The following NAALADL2 variants were observed in gnomAD, a reference collection of about 807,000 sequenced individuals.
NAALADL2 encodes the protein inactive N-acetylated-alpha-linked acidic dipeptidase-like protein 2.
In NAALADL2, 76 loss-of-function variants were observed where a neutral mutation model predicts 87.2. The ratio of observed to expected loss-of-function variants is 0.87; its 90% CI spans 0.72 to 1.05. The LOEUF is 1.05. NAALADL2 is among the 50% of genes least tolerant of loss of function. The pLI, the probability that NAALADL2 is intolerant of heterozygous loss-of-function variation, is 0.00. For missense variants in NAALADL2, 1,089 were observed against 945.8 expected, an observed-to-expected ratio of 1.15 and a Z score of -1.99; for synonymous variants, 354 against 331.0, an observed-to-expected ratio of 1.07 and a Z score of -0.75.
At chr3:175,438,847 TTATG>T (rs1719197171) in intron 5 of NAALADL2, among the ~76,000 whole-genome samples, 1 of 152,036 alleles carries the variant, frequency 6.6e-6, no homozygotes, top group Admixed American at 6.6e-5. Flanking sequence ...ATTTATGTAT[TTATG>T]TATTTATTTT....
intron 2 of NAALADL2, among the ~76,000 whole-genome samples, chr3:175,166,233 A>T (rs896528209): frequency 3.9e-5 from 6 of 152,062 alleles, no homozygotes; most frequent in African/African-American, 1.4e-4. Flanking sequence ...TTCCCAATTC[A>T]ATTGCACATA....
intron 9 of NAALADL2, among the ~76,000 whole-genome samples, chr3:175,575,289 T>G (rs1470649071): frequency 6.6e-6 from 1 of 152,096 alleles, no homozygotes; most frequent in Non-Finnish European, 1.5e-5. Context: ...TATTTATTTA[T>G]TTGTTATTTA....
intron 3 of NAALADL2, among the ~76,000 whole-genome samples, chr3:174,845,712 G>C (rs921398431): frequency 7.9e-5 from 12 of 152,176 alleles, no homozygotes; most frequent in African/African-American, 2.7e-4. Flanking sequence ...CTAGTTTTCT[G>C]GGTGAGAGTT....
intron 2 of NAALADL2, among the ~76,000 whole-genome samples, chr3:174,636,422 A>G (rs73044517): frequency 0.044 from 6,733 of 152,230 alleles, 531 homozygotes; most frequent in African/African-American, 0.15. Context: ...GTGGGAGAAA[A>G]TATCCCAAAT....
At chr3:174,617,370 C>T (rs984395459) in intron 2 of NAALADL2, among the ~76,000 whole-genome samples, 18 of 151,496 alleles carry the variant, frequency 1.2e-4, no homozygotes, top group East Asian at 9.7e-4. Flanking sequence ...TTAGTCATAG[C>T]GATCTCGTTA....
chr3:175,424,400 T>C (rs1716424416), intron 5 of NAALADL2, among the ~76,000 whole-genome samples: 1 of 152,168 alleles, frequency 6.6e-6, no homozygotes, highest in Non-Finnish European at 1.5e-5. Flanking sequence ...AGGTCTAACA[T>C]GTAAGTCTTT....
At chr3:175,691,255 TA>T (rs1737002873) in intron 11 of NAALADL2, among the ~76,000 whole-genome samples, 3 of 150,678 alleles carry the variant, frequency 2.0e-5, no homozygotes, top group Non-Finnish European at 3.0e-5. Flanking sequence ...TACACACAGA[TA>T]ATATATATAT....
intron 2 of NAALADL2, among the ~76,000 whole-genome samples, chr3:175,155,209 C>T (rs1376297573): frequency 4.6e-5 from 7 of 152,104 alleles, no homozygotes; most frequent in African/African-American, 1.7e-4. Context: ...CAGCAGTTAC[C>T]ATGAGAGTTT....
intron 9 of NAALADL2, chr3:175,487,444 T>C (rs1727449385): frequency 2.2e-6 from 1 of 449,958 alleles, no homozygotes; most frequent in East Asian, 7.0e-5. Context: ...CTAAAGTAAT[T>C]ATTCTACAAA....
chr3:174,506,305 C>T (rs926940800), intron 1 of NAALADL2, among the ~76,000 whole-genome samples: 3 of 151,596 alleles, frequency 2.0e-5, no homozygotes, highest in Admixed American at 6.6e-5. Context: ...CTCAGCCTCC[C>T]GAGTAGCTGG....
At chr3:174,758,206 G>C (rs1233292716) in intron 3 of NAALADL2, among the ~76,000 whole-genome samples, 1 of 152,078 alleles carries the variant, frequency 6.6e-6, no homozygotes, top group African/African-American at 2.4e-5. Context: ...TCCCTTCCAC[G>C]TTTTAGAATA....
chr3:174,569,971 T>G (rs558078156), intron 2 of NAALADL2, among the ~76,000 whole-genome samples: 9 of 152,138 alleles, frequency 5.9e-5, no homozygotes, highest in Non-Finnish European at 1.0e-4. Flanking sequence ...TGGTACTCTC[T>G]CCTGCAAATT....
At chr3:175,776,426 C>T (rs1750251518) in intron 13 of NAALADL2, 1 of 152,108 alleles carries the variant, frequency 6.6e-6, no homozygotes, top group Non-Finnish European at 1.5e-5. Context: ...ATTCAGAAAA[C>T]AGAGTCTTTT....
intron 2 of NAALADL2, among the ~76,000 whole-genome samples, chr3:175,190,534 C>A (rs535171090): frequency 1.3e-5 from 2 of 152,082 alleles, no homozygotes; most frequent in South Asian, 2.1e-4. Context: ...ATCTAAAAGT[C>A]AAGAGATAAT....
rs1315592985 is a variant in NAALADL2 at position 174,510,249 on chromosome 3, C to T, written c.-183-40320C>T. 2.6e-5 allele frequency among the ~76,000 whole-genome samples: 4 copies of T among 151,958 alleles called. No individual in the cohort carries two copies. The East Asian group carries it at 7.7e-4, about 29-fold the overall frequency. ...TTAGTATAATGTTGGCTTCATCATA[C>T]GAGTTGGGAAATGTCCTTCCTCTTG... On this transcript the variant is annotated intron_variant, in intron 1 of 3. Transcript: ENST00000434257.
intron 10 of NAALADL2, among the ~76,000 whole-genome samples, chr3:175,595,634 T>A (rs189757905): frequency 6.6e-6 from 1 of 152,044 alleles, no homozygotes; most frequent in African/African-American, 2.4e-5. Flanking sequence ...CACAATCCCA[T>A]TTATAACAGC....
intron 10 of NAALADL2, among the ~76,000 whole-genome samples, chr3:175,577,723 T>A (rs1489074445): frequency 6.6e-6 from 1 of 152,202 alleles, no homozygotes; most frequent in African/African-American, 2.4e-5. Context: ...TTATAATAAA[T>A]GACCTTGTTG....
At chr3:174,550,218 A>AT (rs1254617018) in intron 1 of NAALADL2, among the ~76,000 whole-genome samples, 1 of 151,962 alleles carries the variant, frequency 6.6e-6, no homozygotes, top group Non-Finnish European at 1.5e-5. Flanking sequence ...CAAAATGAAG[A>AT]TTTTTTCCAA....
chr3:175,571,108 T>G (rs529927492), intron 9 of NAALADL2, among the ~76,000 whole-genome samples: 1 of 152,342 alleles, frequency 6.6e-6, no homozygotes, highest in Admixed American at 6.5e-5. Flanking sequence ...GTCAATTGTC[T>G]TGGCATCACT....
Sources: allele counts gnomAD v4.1 joint callset (sites outside exome capture counted in the v4.1 genomes callset), GRCh38; gene constraint gnomAD v4.1.1; transcripts MANE v1.5; gene names NCBI Gene and HGNC (gene_info 2026-07-23, HGNC 2026-07-21).